The following RBBP9 variants were observed in gnomAD, a reference collection of about 807,000 sequenced individuals.
RBBP9 encodes serine hydrolase RBBP9.
Under a neutral mutation model 24.2 loss-of-function variants are expected in RBBP9, and 20 were observed. The observed-to-expected ratio is 0.83, with a 90% confidence interval of 0.58 to 1.20. The LOEUF is 1.20. Ranked by LOEUF, RBBP9 falls within the 50% of genes most tolerant of loss-of-function variation. RBBP9 has a pLI of 0.00. For synonymous variants in RBBP9, 74 were observed against 84.6 expected, an observed-to-expected ratio of 0.87 and a Z score of 0.69; for missense variants, 234 against 233.6, an observed-to-expected ratio of 1.00 and a Z score of -0.01.
chr20:18,490,399 T>C lies in RBBP9; in HGVS notation c.330A>G (p.Ala110=). The part of the protein sequence containing the change: ...TSDLGDENER[A]SGYFTRPWQW... ...GATTTCTACCTTTGGACTTACCACTTGCACGCTCATTTTCATCCCCCAAGT... is the reference window on the plus strand; with the variant it reads ...GATTTCTACCTTTGGACTTACCACTCGCACGCTCATTTTCATCCCCCAAGT... Residue 110 remains alanine, a synonymous_variant, in exon 4 of 5, where the codon GCA becomes GCG. Coordinates refer to ENST00000337227, the MANE Select transcript of RBBP9 (RefSeq NM_006606.3). 1 of 1,612,482 alleles carries C rather than the reference T, an allele frequency of 6.2e-7. No individual in the cohort carries two copies. The highest frequency in any genetic ancestry group is 1.7e-5 in the Admixed American group (1 of 60,024).
intron 1 of RBBP9, among the ~76,000 whole-genome samples, chr20:18,496,619 T>C (rs374309705): frequency 6.6e-6 from 1 of 152,234 alleles, no homozygotes; most frequent in African/African-American, 2.4e-5. Context: ...GTATAGGCAA[T>C]GTCCCAGGTT....
chr20:18,493,367 G>A (rs964903587), intron 3 of RBBP9, among the ~76,000 whole-genome samples: 1 of 152,170 alleles, frequency 6.6e-6, no homozygotes, highest in Non-Finnish European at 1.5e-5. Context: ...CCTTCATGGA[G>A]TCTACATTCT....
At chr20:18,495,906 C>A in intron 1 of RBBP9, 26 bp from the exon 2 acceptor site, 4 of 1,490,114 alleles carry the variant, frequency 2.7e-6, no homozygotes, top group Non-Finnish European at 3.7e-6. Context: ...GGAGAAAAAG[C>A]TATAATAAAG....
chr20:18,497,109 G>A lies in RBBP9; in HGVS notation c.59C>T (p.Thr20Ile), dbSNP rs753300261. ...TTTCACCCAGCCATACCAGCCGTGG[G>A]TGGTCACATCCCCGCCTCCGTTCCC... ...VPGNGGGDVT[T>I]HGWYGWVKKE... The change falls in exon 1 of 5, where the codon ACC becomes ATC. Residue 20 changes from threonine to isoleucine, a missense_variant. Transcript: ENST00000337227. The A allele has an allele frequency of 6.8e-6, 11 of 1,614,204 alleles. No individual in the cohort carries two copies. The Admixed American group carries it at 1.7e-4, about 24-fold the overall frequency.
At chr20:18,493,602 A>T (rs1387070652) in intron 3 of RBBP9, among the ~76,000 whole-genome samples, 1 of 152,180 alleles carries the variant, frequency 6.6e-6, no homozygotes, top group Non-Finnish European at 1.5e-5. Flanking sequence ...GGATGAGAGC[A>T]GGCTAAGATG....
At chr20:18,493,496 T>C (rs1246528812) in intron 3 of RBBP9, among the ~76,000 whole-genome samples, 1 of 152,100 alleles carries the variant, frequency 6.6e-6, no homozygotes, top group Non-Finnish European at 1.5e-5. Context: ...TATGGAGTGA[T>C]TAGAGAAGGC....
At position 18,489,737 on chromosome 20, in the gene RBBP9, G is replaced by A. The variant is rs1236886701; in HGVS notation, c.*27C>T. On this transcript the variant is annotated 3_prime_UTR_variant, in exon 5 of 5. Transcript: ENST00000337227. Reference sequence around the variant, plus strand: ...AGATATTATTCTACTCCTATATTGGGATGCAAAATAGCAGAAATCATACAG... The same window carrying A: ...AGATATTATTCTACTCCTATATTGGAATGCAAAATAGCAGAAATCATACAG... The A allele has an allele frequency of 6.9e-7, 1 of 1,448,042 alleles. No homozygotes were observed. The highest frequency in any genetic ancestry group is 9.7e-7 in the Non-Finnish European group (1 of 1,032,268). 89.7% of individuals were successfully genotyped at this position (1,448,042 alleles called of 1,614,324 possible). A position where few individuals can be genotyped will look rare whatever the true frequency, so the allele number is the denominator to read the frequency against.
intron 4 of RBBP9, 68 bp from the exon 5 acceptor site, chr20:18,490,058 C>T (rs2059859570): frequency 8.7e-7 from 1 of 1,146,716 alleles, no homozygotes; most frequent in Admixed American, 2.4e-5. Context: ...TCTAAAATAC[C>T]TACTGGCGAC....
chr20:18,494,734 T>C (rs2059878830), intron 2 of RBBP9, among the ~76,000 whole-genome samples: 1 of 152,134 alleles, frequency 6.6e-6, no homozygotes, highest in Admixed American at 6.5e-5. Context: ...ATTTATTCAT[T>C]CTTTCCAAAA....
intron 1 of RBBP9, among the ~76,000 whole-genome samples, chr20:18,496,092 A>G (rs932661834): frequency 2.6e-5 from 4 of 152,232 alleles, no homozygotes; most frequent in Admixed American, 6.5e-5. Context: ...AGAGAGACCT[A>G]TATCTGCATT....
At position 18,488,857 on chromosome 20, in the gene RBBP9, G is replaced by C. The variant is rs550987840; in HGVS notation, c.*907C>G. ...TTATGACTGTGGTCACAAATGGATG[G>C]CTTGGATTTTATTTGTCTTGCAGTG... is the stretch of plus-strand genomic sequence containing the variant. On this transcript the variant is annotated 3_prime_UTR_variant, in exon 5 of 5. Coordinates refer to ENST00000337227, the MANE Select transcript of RBBP9 (RefSeq NM_006606.3). 2 of 152,126 alleles carry C rather than the reference G, an allele frequency of 1.3e-5. No individual in the cohort carries two copies. The highest frequency in any genetic ancestry group is 3.9e-4 in the East Asian group (2 of 5,184). The allele number at this position is 152,126 out of a possible 1,614,324, so 9.4% of individuals were successfully genotyped here.
intron 1 of RBBP9, 123 bp downstream of exon 1, chr20:18,496,945 GC>G: frequency 1.4e-6 from 1 of 740,718 alleles, no homozygotes; most frequent in Non-Finnish European, 2.2e-6. Flanking sequence ...CGGGGGAGAG[GC>G]AGGAAAACAC....
chr20:18,493,947 A>T lies in RBBP9; in HGVS notation c.248+11T>A, dbSNP rs187307607. 1.2e-5 allele frequency: 19 copies of T among 1,594,270 alleles called. No homozygotes were observed. In the East Asian group the frequency reaches 4.3e-4, roughly 36 times the overall value. ...CCCACAAAGGGGATAGCAGTTTAAC[A>T]AAGATCGCACCTCATGGCCGCGATG... On this transcript the variant is annotated intron_variant, in intron 3 of 4. Transcript: ENST00000337227.
chr20:18,495,297 T>C (rs200887682), intron 2 of RBBP9, among the ~76,000 whole-genome samples: 1 of 145,374 alleles, frequency 6.9e-6, no homozygotes, highest in South Asian at 2.2e-4. Context: ...CCCCCAACCC[T>C]GTGCTCTCTG....
rs371847748 is a variant in RBBP9 at position 18,490,394 on chromosome 20, C to G, written c.334+1G>C. ...GCTCAGATTTCTACCTTTGGACTTA[C>G]CACTTGCACGCTCATTTTCATCCCC... On this transcript the variant is annotated splice_donor_variant, in intron 4 of 4. Coordinates refer to ENST00000337227, the MANE Select transcript of RBBP9 (RefSeq NM_006606.3). LOFTEE classifies it high-confidence loss of function. The G allele has an allele frequency of 1.2e-6, 2 of 1,611,106 alleles. No homozygotes were observed. The highest frequency in any genetic ancestry group is 8.5e-7 in the Non-Finnish European group (1 of 1,177,398).
At chr20:18,490,561 A>C in intron 3 of RBBP9, 81 bp from the exon 4 acceptor site, 156 of 1,044,010 alleles carry the variant, frequency 1.5e-4, no homozygotes, top group Non-Finnish European at 2.0e-4. Flanking sequence ...TTAAAAACTC[A>C]TTTGAGGTAG....
chr20:18,489,690 T>C lies in RBBP9; in HGVS notation c.*74A>G, dbSNP rs151032302. On this transcript the variant is annotated 3_prime_UTR_variant, in exon 5 of 5. Transcript: ENST00000337227. ...ACGGAACTTAACTGGATGTTCTATGTGTCTAGTAATCAGCTGATAGTAGAT... is the reference window on the plus strand; with the variant it reads ...ACGGAACTTAACTGGATGTTCTATGCGTCTAGTAATCAGCTGATAGTAGAT... 3,974 of 961,992 alleles carry C rather than the reference T, an allele frequency of 4.1e-3. 19 individuals carry two copies. The highest frequency in any genetic ancestry group is 6.7e-3 in the Middle Eastern group (20 of 3,002). 59.6% of individuals were successfully genotyped at this position (961,992 alleles called of 1,614,324 possible).
intron 1 of RBBP9, 25 bp downstream of exon 1, chr20:18,497,044 C>T (rs373427437): frequency 6.3e-7 from 1 of 1,598,906 alleles, no homozygotes; most frequent in South Asian, 1.1e-5. Flanking sequence ...GCTGACTTCA[C>T]GGAGCAGCGG....
At chr20:18,493,773 A>G (rs574285030) in intron 3 of RBBP9, among the ~76,000 whole-genome samples, 185 bp downstream of exon 3, 2 of 152,300 alleles carry the variant, frequency 1.3e-5, no homozygotes, top group African/African-American at 4.8e-5. Flanking sequence ...TCTCAATAAG[A>G]GCAGATTTTT....
Sources: gnomAD v4.1 joint callset for allele counts (sites outside exome capture counted in the v4.1 genomes callset) on GRCh38, gnomAD v4.1.1 for gene constraint, MANE v1.5 for transcripts, NCBI Gene and HGNC (gene_info 2026-07-23, HGNC 2026-07-21) for gene names.